THSD7B: variants seen among roughly 807,000 people sequenced by gnomAD.
The protein encoded by THSD7B is thrombospondin type 1 domain containing 7B, also known as thrombospondin type-1 domain-containing protein 7B.
THSD7B carries 138 observed loss-of-function variants against 213.6 expected under a neutral mutation model. That is an observed-to-expected ratio of 0.65 (90% CI 0.56 to 0.74). The LOEUF is 0.74. THSD7B is among the 30% of genes least tolerant of loss of function. The pLI is 0.00. For missense variants in THSD7B, 1,931 were observed against 1,991.5 expected, an observed-to-expected ratio of 0.97 and a Z score of 0.58; for synonymous variants, 742 against 687.0, an observed-to-expected ratio of 1.08 and a Z score of -1.25.
intron 2 of THSD7B, among the ~76,000 whole-genome samples, chr2:136,887,300 TTGTG>T (rs3084772): frequency 0.077 from 11,371 of 148,546 alleles, 527 homozygotes; most frequent in Middle Eastern, 0.18. Context: ...TCCATATTTG[TTGTG>T]TGTGTGTGTG....
chr2:137,385,080 C>T (rs1474424595), intron 12 of THSD7B, among the ~76,000 whole-genome samples: 1 of 152,192 alleles, frequency 6.6e-6, no homozygotes, highest in Non-Finnish European at 1.5e-5. Context: ...AAAGAATTTT[C>T]CTGCAGAGCC....
At position 137,115,117 on chromosome 2, in the gene THSD7B, C is replaced by A. The variant is rs375765883; in HGVS notation, c.1200-7C>A. 1.9e-6 allele frequency: 3 copies of A among 1,613,836 alleles called. No homozygotes were observed. In the South Asian group the frequency reaches 3.3e-5, roughly 18 times the overall value. The stretch of plus-strand genomic sequence containing the variant: ...TCTTCTTCTTTTAAATAAACCAAAC[C>A]AAACAGGTATTCCTGGAGAACTTCT... On this transcript the variant is annotated splice_polypyrimidine_tract_variant and splice_region_variant and intron_variant, in intron 4 of 27. Transcript: ENST00000409968.
chr2:136,980,761 C>A (rs1685562691), intron 2 of THSD7B, among the ~76,000 whole-genome samples: 1 of 152,150 alleles, frequency 6.6e-6, no homozygotes, highest in Admixed American at 6.5e-5. Context: ...GGTGTGGGTT[C>A]ATGAGGGTAT....
chr2:137,085,192 A>T lies in THSD7B; in HGVS notation c.951-9681A>T, dbSNP rs538480049. ...ATACTGGCATTTGTGGAACACAAATAAAACGCCCTGGTCCTTGCATAATCA... is the reference window on the plus strand; with the variant it reads ...ATACTGGCATTTGTGGAACACAAATTAAACGCCCTGGTCCTTGCATAATCA... On this transcript the variant is annotated intron_variant, in intron 3 of 27. Transcript: ENST00000409968. Among the ~76,000 whole-genome samples, 14 of 152,352 alleles carry T rather than the reference A, an allele frequency of 9.2e-5. No homozygotes were observed. The South Asian group carries it at 2.9e-3, about 32-fold the overall frequency.
At chr2:137,098,026 A>G (rs1259892610) in intron 4 of THSD7B, among the ~76,000 whole-genome samples, 1 of 152,218 alleles carries the variant, frequency 6.6e-6, no homozygotes, top group African/African-American at 2.4e-5. Flanking sequence ...GAGGCTATGT[A>G]CTAACATTTG....
At chr2:137,653,517 G>C (rs1382914597) in intron 21 of THSD7B, among the ~76,000 whole-genome samples, 1 of 150,970 alleles carries the variant, frequency 6.6e-6, no homozygotes, top group African/African-American at 2.4e-5. Context: ...ATATGTTTTC[G>C]ACGCTTTGCT....
At chr2:136,851,191 A>G (rs1179280783) in intron 1 of THSD7B, among the ~76,000 whole-genome samples, 1 of 152,134 alleles carries the variant, frequency 6.6e-6, no homozygotes, top group East Asian at 1.9e-4. Context: ...GAGGATTCGT[A>G]TATTTCCTAA....
chr2:136,780,128 A>G (rs1197258485), intron 1 of THSD7B, among the ~76,000 whole-genome samples: 2 of 152,142 alleles, frequency 1.3e-5, no homozygotes, highest in Non-Finnish European at 2.9e-5. Context: ...TTTATGAATT[A>G]TGGGTAATTC....
chr2:137,327,507 CT>C (rs1285200276), intron 12 of THSD7B, among the ~76,000 whole-genome samples: 2 of 152,100 alleles, frequency 1.3e-5, no homozygotes, highest in Admixed American at 6.6e-5. Context: ...CTCCTCTGCT[CT>C]CTATCTCCTC....
At chr2:136,929,510 C>T (rs1287297934) in intron 2 of THSD7B, among the ~76,000 whole-genome samples, 1 of 152,158 alleles carries the variant, frequency 6.6e-6, no homozygotes, top group Middle Eastern at 3.2e-3. Flanking sequence ...TCTGTGCATT[C>T]ATAAGTTAAA....
chr2:137,572,615 G>A (rs566639338), intron 17 of THSD7B, 59 bp downstream of exon 17: 41 of 1,582,534 alleles, frequency 2.6e-5, no homozygotes, highest in African/African-American at 2.1e-4. Context: ...ACTGTTGTTC[G>A]TTGTGCATTC....
chr2:137,164,309 G>A (rs1680077599), intron 6 of THSD7B, among the ~76,000 whole-genome samples: 1 of 152,134 alleles, frequency 6.6e-6, no homozygotes, highest in African/African-American at 2.4e-5. Flanking sequence ...TCAGAGAAAT[G>A]CAAATCAAAA....
intron 27 of THSD7B, among the ~76,000 whole-genome samples, chr2:137,673,304 G>T (rs916528612): frequency 6.6e-6 from 1 of 152,190 alleles, no homozygotes; most frequent in Non-Finnish European, 1.5e-5. Flanking sequence ...AGCTAGGATT[G>T]CAAAATGGTT....
intron 1 of THSD7B, among the ~76,000 whole-genome samples, chr2:136,826,567 A>G (rs1427433245): frequency 6.6e-6 from 1 of 152,110 alleles, no homozygotes; most frequent in Non-Finnish European, 1.5e-5. Context: ...TCCAAGTCAC[A>G]TTGTCCCATC....
chr2:137,420,457 A>G (rs377234211), intron 14 of THSD7B, among the ~76,000 whole-genome samples: 4 of 151,794 alleles, frequency 2.6e-5, no homozygotes, highest in African/African-American at 9.7e-5. Flanking sequence ...TGACTCCCCA[A>G]CCCCTAGAAC....
chr2:136,845,338 G>A (rs1291173534), intron 1 of THSD7B, among the ~76,000 whole-genome samples: 2 of 152,240 alleles, frequency 1.3e-5, no homozygotes, highest in African/African-American at 4.8e-5. Flanking sequence ...GGCAGTGCAA[G>A]AATTTAGGAC....
chr2:136,872,542 T>G (rs1007762420), intron 1 of THSD7B, among the ~76,000 whole-genome samples: 5 of 151,912 alleles, frequency 3.3e-5, no homozygotes, highest in African/African-American at 1.2e-4. Context: ...TTCTTTTCTC[T>G]TTTTCTTTTC....
intron 20 of THSD7B, among the ~76,000 whole-genome samples, chr2:137,635,948 C>T (rs1420171691): frequency 1.3e-5 from 2 of 152,120 alleles, no homozygotes; most frequent in East Asian, 1.9e-4. Flanking sequence ...AGTGATCTGC[C>T]CGTCTTGCAT....
At chr2:136,942,827 T>C (rs536250256) in intron 2 of THSD7B, among the ~76,000 whole-genome samples, 2 of 152,304 alleles carry the variant, frequency 1.3e-5, no homozygotes, top group Non-Finnish European at 2.9e-5. Flanking sequence ...CTTTTCCTAA[T>C]TGAATACCAT....
Sources: allele counts gnomAD v4.1 joint callset (sites outside exome capture counted in the v4.1 genomes callset), GRCh38; gene constraint gnomAD v4.1.1; transcripts MANE v1.5; gene names NCBI Gene and HGNC (gene_info 2026-07-23, HGNC 2026-07-21).